The following RBFOX3 variants were observed in gnomAD, a reference collection of about 807,000 sequenced individuals.
The protein encoded by RBFOX3 is RNA binding protein fox-1 homolog 3.
In RBFOX3, 17 loss-of-function variants were observed where a neutral mutation model predicts 48.7. The ratio of observed to expected loss-of-function variants is 0.35; its 90% CI spans 0.24 to 0.52. The LOEUF is 0.52. Among genes scored for constraint, RBFOX3 ranks in the 20% least tolerant of loss-of-function variants. The probability of loss-of-function intolerance (pLI) is 0.94; values close to 1 mark genes in which losing one functional copy is unlikely to be tolerated. For synonymous variants in RBFOX3, 212 were observed against 209.5 expected (o/e 1.01, Z -0.10); for missense variants, 382 against 497.5 (o/e 0.77, Z 2.21).
intron 1 of RBFOX3, among the ~76,000 whole-genome samples, chr17:79,586,896 ACT>A (rs1256111423): frequency 6.6e-6 from 1 of 152,098 alleles, no homozygotes; most frequent in Non-Finnish European, 1.5e-5. Flanking sequence ...TTCCTTTATG[ACT>A]CTGAATTTGC....
At chr17:79,398,986 T>G (rs1461388627) in intron 2 of RBFOX3, among the ~76,000 whole-genome samples, 1 of 152,088 alleles carries the variant, frequency 6.6e-6, no homozygotes. Context: ...CTGGTGTCCT[T>G]GTAGGAAGAG....
intron 2 of RBFOX3, among the ~76,000 whole-genome samples, chr17:79,356,377 T>TG (rs1568101292): frequency 1.9e-5 from 2 of 103,920 alleles, no homozygotes; most frequent in African/African-American, 3.9e-5. Flanking sequence ...TTTTTTTTTT[T>TG]TTTTTTTTTG....
At chr17:79,366,622 T>A (rs1357090100) in intron 2 of RBFOX3, among the ~76,000 whole-genome samples, 2 of 152,168 alleles carry the variant, frequency 1.3e-5, no homozygotes, top group African/African-American at 4.8e-5. Context: ...CCTTCCATCG[T>A]GCACAGTCGA....
intron 2 of RBFOX3, among the ~76,000 whole-genome samples, chr17:79,478,080 G>T (rs1351675895): frequency 6.6e-6 from 1 of 152,198 alleles, no homozygotes; most frequent in African/African-American, 2.4e-5. Context: ...CAACGCTCAT[G>T]TGCTCCAGGA....
At chr17:79,108,947 TC>T (rs2077964384) in intron 5 of RBFOX3, among the ~76,000 whole-genome samples, 1 of 152,206 alleles carries the variant, frequency 6.6e-6, no homozygotes, top group Non-Finnish European at 1.5e-5. Context: ...TGCAGCTCTG[TC>T]CCCTGCGTTG....
chr17:79,309,121 C>A (rs79211555), intron 2 of RBFOX3, among the ~76,000 whole-genome samples: 20 of 119,908 alleles, frequency 1.7e-4, no homozygotes, highest in Admixed American at 6.7e-4. Flanking sequence ...AAAAAAAAAA[C>A]TAAATGTTTG....
chr17:79,141,740 C>T (rs1196918471), intron 4 of RBFOX3, among the ~76,000 whole-genome samples: 1 of 152,144 alleles, frequency 6.6e-6, no homozygotes, highest in Non-Finnish European at 1.5e-5. Context: ...ATAAGACAGC[C>T]TCCCTGGGCA....
At chr17:79,369,176 G>A (rs1194312902) in intron 2 of RBFOX3, among the ~76,000 whole-genome samples, 1 of 152,168 alleles carries the variant, frequency 6.6e-6, no homozygotes, top group Non-Finnish European at 1.5e-5. Context: ...CACGAGCAAC[G>A]GGCAACTCTG....
chr17:79,189,505 G>C (rs1270962709), intron 4 of RBFOX3, among the ~76,000 whole-genome samples: 3 of 152,178 alleles, frequency 2.0e-5, no homozygotes, highest in African/African-American at 7.2e-5. Flanking sequence ...GCAATAGCTT[G>C]GGCGTTTACT....
chr17:79,620,678 C>T, the RBFOX3 span, among the ~76,000 whole-genome samples: 1 of 140,638 alleles, frequency 7.1e-6, no homozygotes, highest in Non-Finnish European at 1.5e-5. Flanking sequence ...TGCACACACG[C>T]ACATGCACAC....
rs1336354422 is a variant in RBFOX3 at position 79,214,567 on chromosome 17, G to T, written c.-34+21199C>A. 6.6e-6 allele frequency among the ~76,000 whole-genome samples: 1 copy of T among 151,940 alleles called. No homozygotes were observed. The highest frequency in any genetic ancestry group is 1.5e-5 in the Non-Finnish European group (1 of 67,970). ...GCCAAGTGGGAGGGATGTCTGGGGG[G>T]GGTCTCGGAGGAAGCAGGAAGGGTT... On this transcript the variant is annotated intron_variant, in intron 4 of 14. Transcript: ENST00000693108. This position sits in a 1 kb window ranked among gnomAD's most constrained non-coding sequence, Gnocchi z 4.7.
chr17:79,661,124 T>C, the RBFOX3 span, among the ~76,000 whole-genome samples: 1 of 152,148 alleles, frequency 6.6e-6, no homozygotes, highest in South Asian at 2.1e-4. Flanking sequence ...CTGAGGCCTG[T>C]TGGGCAGGGG....
intron 3 of RBFOX3, among the ~76,000 whole-genome samples, chr17:79,248,013 C>T (rs1465378123): frequency 6.6e-6 from 1 of 151,948 alleles, no homozygotes; most frequent in Non-Finnish European, 1.5e-5. Context: ...TGGGAGGAAA[C>T]AGAGCCACCA....
intron 1 of RBFOX3, among the ~76,000 whole-genome samples, chr17:79,498,773 A>T (rs2081962711): frequency 6.7e-6 from 1 of 150,152 alleles, no homozygotes; most frequent in African/African-American, 2.5e-5. Flanking sequence ...CTACCCATCC[A>T]TACACTCATC....
the RBFOX3 span, among the ~76,000 whole-genome samples, chr17:79,624,268 G>A: frequency 2.0e-5 from 3 of 152,046 alleles, no homozygotes; most frequent in Non-Finnish European, 2.9e-5. Context: ...CCCGAGACCC[G>A]TCAGCTCCCG....
intron 1 of RBFOX3, among the ~76,000 whole-genome samples, chr17:79,504,930 G>T (rs2082879939): frequency 6.6e-6 from 1 of 152,162 alleles, no homozygotes; most frequent in Non-Finnish European, 1.5e-5. Flanking sequence ...TTCACTCCCT[G>T]GTGATGAGGC....
At chr17:79,231,177 G>A (rs2060995104) in intron 4 of RBFOX3, among the ~76,000 whole-genome samples, 1 of 152,170 alleles carries the variant, frequency 6.6e-6, no homozygotes, top group Non-Finnish European at 1.5e-5. Context: ...ATAAGACAGA[G>A]CAATGGGGAG....
At chr17:79,478,416 G>A (rs2078282867) in intron 2 of RBFOX3, among the ~76,000 whole-genome samples, 1 of 152,010 alleles carries the variant, frequency 6.6e-6, no homozygotes, top group Admixed American at 6.6e-5. Flanking sequence ...TCTCATCACG[G>A]CAGGCTCACA....
intron 1 of RBFOX3, among the ~76,000 whole-genome samples, chr17:79,542,033 G>A (rs1357179191): frequency 7.0e-6 from 1 of 143,560 alleles, no homozygotes; most frequent in South Asian, 2.2e-4. Flanking sequence ...CCTTGAGAGC[G>A]TCGACCTTTT....
Sources: gnomAD v4.1 joint callset for allele counts (sites outside exome capture counted in the v4.1 genomes callset) on GRCh38, gnomAD v4.1.1 for gene constraint, Gnocchi (gnomAD v3.1) non-coding constraint, MANE v1.5 for transcripts, NCBI Gene and HGNC (gene_info 2026-07-23, HGNC 2026-07-21) for gene names.